GABBR1: variants seen among roughly 807,000 people sequenced by gnomAD.
GABBR1 encodes GABA-B receptor, R1 subunit.
In GABBR1, 35 loss-of-function variants were observed where a neutral mutation model predicts 117.7. The ratio of observed to expected loss-of-function variants is 0.30; its 90% CI spans 0.23 to 0.39. The LOEUF (loss-of-function observed/expected upper bound fraction) is 0.39, where lower values mean the gene tolerates loss of function less well. Among genes scored for constraint, GABBR1 ranks in the 10% least tolerant of loss-of-function variants. The pLI, the probability that GABBR1 is intolerant of heterozygous loss-of-function variation, is 1.00. For synonymous variants in GABBR1, 442 were observed against 486.6 expected (o/e 0.91, Z 1.21); for missense variants, 709 against 1,241.8 (o/e 0.57, Z 6.45).
intron 11 of GABBR1, among the ~76,000 whole-genome samples, chr6:29,619,258 C>T (rs139122013): frequency 2.6e-4 from 39 of 152,354 alleles, no homozygotes; most frequent in African/African-American, 8.7e-4. Context: ...AGGTCCAACC[C>T]TTGCTTTGAT....
Position 29,603,329 on chromosome 6 carries a change from A to G in GABBR1, c.*214T>C, listed in dbSNP as rs1349498183. ...AATTGTGAAGAGGTGATACAAAATTACATGAAGCAGTAAGAGAGAAAAAGG... is the reference window on the plus strand; with the variant it reads ...AATTGTGAAGAGGTGATACAAAATTGCATGAAGCAGTAAGAGAGAAAAAGG... On this transcript the variant is annotated 3_prime_UTR_variant, in exon 23 of 23. Coordinates refer to ENST00000377034, the MANE Select transcript of GABBR1 (RefSeq NM_001470.4). 2 of 702,680 alleles carry G rather than the reference A, an allele frequency of 2.8e-6. No individual in the cohort carries two copies. The highest frequency in any genetic ancestry group is 5.2e-6 in the Non-Finnish European group (2 of 383,658). The allele number at this position is 702,680 out of a possible 1,614,324, so 43.5% of individuals were successfully genotyped here. A position where few individuals can be genotyped will look rare whatever the true frequency, so the allele number is the denominator to read the frequency against.
Position 29,604,809 on chromosome 6 carries a change from G to A in GABBR1, c.2568+51C>T. ...GGAACTCAGTAATATAGGAAGGAGGGATGGAGGGAACATGGGAACAAAGAG... is the reference window on the plus strand; with the variant it reads ...GGAACTCAGTAATATAGGAAGGAGGAATGGAGGGAACATGGGAACAAAGAG... On this transcript the variant is annotated intron_variant, in intron 21 of 22. Coordinates refer to ENST00000377034, the MANE Select transcript of GABBR1 (RefSeq NM_001470.4). The surrounding 1 kb of genome is among the most constrained non-coding windows in gnomAD (Gnocchi z 5.3). 6.3e-7 allele frequency: 1 copy of A among 1,597,550 alleles called. No homozygotes were observed. Among genetic ancestry groups the A allele is most frequent in the Non-Finnish European group, 8.5e-7 (1 of 1,171,812 alleles).
Position 29,627,211 on chromosome 6 carries a change from C to T in GABBR1, c.657+275G>A, listed in dbSNP as rs1764360005. Among the ~76,000 whole-genome samples, 1 of 152,190 alleles carries T rather than the reference C, an allele frequency of 6.6e-6. No homozygotes were observed. Among genetic ancestry groups the T allele is most frequent in the Non-Finnish European group, 1.5e-5 (1 of 68,034 alleles). On this transcript the variant is annotated intron_variant, in intron 6 of 22. Coordinates refer to ENST00000377034, the MANE Select transcript of GABBR1 (RefSeq NM_001470.4). This position sits in a 1 kb window ranked among gnomAD's most constrained non-coding sequence, Gnocchi z 4.4. ...TAAATCCACCACCAGTTTCTCCAAA[C>T]CCCGACACTTCTGCGAGACTCCCGC...
rs1321954326 is a variant in GABBR1 at position 29,609,198 on chromosome 6, A to G, written c.1859+31T>C. The stretch of plus-strand genomic sequence containing the variant: ...AACATGATCAGTATCTCAGAGAGGC[A>G]GACAAGGAAAACGTCAGAAGAGAAA... On this transcript the variant is annotated intron_variant, in intron 15 of 22. Transcript: ENST00000377034. This position sits in a 1 kb window ranked among gnomAD's most constrained non-coding sequence, Gnocchi z 4.3. 3.1e-6 allele frequency: 5 copies of G among 1,607,206 alleles called. No individual in the cohort carries two copies. The African/African-American group carries it at 6.7e-5, about 21-fold the overall frequency.
chr6:29,627,461 CACCCA>C lies in GABBR1; in HGVS notation c.657+20_657+24del. The C allele has an allele frequency of 6.7e-7, 1 of 1,498,204 alleles. No homozygotes were observed. 92.8% of individuals were successfully genotyped at this position (1,498,204 alleles called of 1,614,324 possible). ...CCCTGCCCCGCAAGCCCCCACCTCC[CACCCA>C]CCCCCATGTCCAGGGCTACCTTGCT... is the stretch of plus-strand genomic sequence containing the variant. On this transcript the variant is annotated intron_variant, in intron 6 of 22. Transcript: ENST00000377034. The surrounding 1 kb of genome is among the most constrained non-coding windows in gnomAD (Gnocchi z 4.4).
In GABBR1 at chr6:29,630,671, G is replaced by A. The variant is rs761562802; in HGVS notation, c.290-28C>T. ...GTGGAGAGATAGGAAAATAAGAAGA[G>A]AGGCGAGTTGAAGAAGGCTCTTTCC... On this transcript the variant is annotated intron_variant, in intron 3 of 22. Coordinates refer to ENST00000377034, the MANE Select transcript of GABBR1 (RefSeq NM_001470.4). The surrounding 1 kb of genome is among the most constrained non-coding windows in gnomAD (Gnocchi z 4.9). 6.3e-7 allele frequency: 1 copy of A among 1,584,866 alleles called. No homozygotes were observed. The highest frequency in any genetic ancestry group is 8.6e-7 in the Non-Finnish European group (1 of 1,157,234).
chr6:29,609,145 C>G lies in GABBR1; in HGVS notation c.1859+84G>C, dbSNP rs906656372. The G allele has an allele frequency of 3.8e-5, 51 of 1,352,494 alleles. No individual in the cohort carries two copies. In the African/African-American group the frequency reaches 6.4e-4, roughly 17 times the overall value. 83.8% of individuals were successfully genotyped at this position (1,352,494 alleles called of 1,614,324 possible). A position where few individuals can be genotyped will look rare whatever the true frequency, so the allele number is the denominator to read the frequency against. On this transcript the variant is annotated intron_variant, in intron 15 of 22. Coordinates refer to ENST00000377034, the MANE Select transcript of GABBR1 (RefSeq NM_001470.4). This position sits in a 1 kb window ranked among gnomAD's most constrained non-coding sequence, Gnocchi z 4.3. The stretch of plus-strand genomic sequence containing the variant: ...CCATGATACATGGCCATGGGAGTTA[C>G]ACAGGTTTTATTCTCATCCTGTCCA...
In GABBR1 at chr6:29,622,095, C is replaced by A. The variant is rs771321254; in HGVS notation, c.1065+9G>T. The A allele has an allele frequency of 2.5e-6, 4 of 1,610,164 alleles. No individual in the cohort carries two copies. In the South Asian group the frequency reaches 3.3e-5, roughly 13 times the overall value. ...CGTAAACAGAGCCCACCACTCCCAGCCATCTGACCTTCAGGTTTTTGACGG... is the reference window on the plus strand; with the variant it reads ...CGTAAACAGAGCCCACCACTCCCAGACATCTGACCTTCAGGTTTTTGACGG... On this transcript the variant is annotated intron_variant, in intron 9 of 22. Transcript: ENST00000377034. The surrounding 1 kb of genome is among the most constrained non-coding windows in gnomAD (Gnocchi z 4.6).
In GABBR1 at chr6:29,630,407, T is replaced by C. The variant is rs1764835204; in HGVS notation, c.475+51A>G. The stretch of plus-strand genomic sequence containing the variant: ...ATTATCCATTCCCACCCCACTCCCA[T>C]CCTCACACAAGCGTCCTCATCAGCT... On this transcript the variant is annotated intron_variant, in intron 4 of 22. Coordinates refer to ENST00000377034, the MANE Select transcript of GABBR1 (RefSeq NM_001470.4). The surrounding 1 kb of genome is among the most constrained non-coding windows in gnomAD (Gnocchi z 4.9). 1 of 1,507,470 alleles carries C rather than the reference T, an allele frequency of 6.6e-7. No homozygotes were observed. The highest frequency in any genetic ancestry group is 9.2e-7 in the Non-Finnish European group (1 of 1,088,616). The allele number at this position is 1,507,470 out of a possible 1,614,324, so 93.4% of individuals were successfully genotyped here.
intron 4 of GABBR1, chr6:29,629,308 AT>A: frequency 1.4e-6 from 1 of 699,976 alleles, no homozygotes. Context: ...TTCTTCTTCG[AT>A]TTTTCATAGG....
At position 29,627,417 on chromosome 6, in the gene GABBR1, C is replaced by A; in HGVS notation, c.657+69G>T. ...CAGAGACGACTCAGACAGATGGGGG[C>A]GCGTGCAGCTGGCTGGCCCCCTGCC... On this transcript the variant is annotated intron_variant, in intron 6 of 22. Coordinates refer to ENST00000377034, the MANE Select transcript of GABBR1 (RefSeq NM_001470.4). The surrounding 1 kb of genome is among the most constrained non-coding windows in gnomAD (Gnocchi z 4.4). The A allele has an allele frequency of 6.9e-7, 1 of 1,451,246 alleles. No individual in the cohort carries two copies. Among genetic ancestry groups the A allele is most frequent in the Non-Finnish European group, 9.4e-7 (1 of 1,066,802 alleles). 89.9% of individuals were successfully genotyped at this position (1,451,246 alleles called of 1,614,324 possible). A position where few individuals can be genotyped will look rare whatever the true frequency, so the allele number is the denominator to read the frequency against.
At chr6:29,608,552 C>T (rs372019251) in intron 16 of GABBR1, 49 bp downstream of exon 16, 36 of 1,587,018 alleles carry the variant, frequency 2.3e-5, no homozygotes, top group Admixed American at 1.6e-4. Context: ...GCTCCTGAGA[C>T]GGGTGGGAGA....
chr6:29,621,933 T>A lies in GABBR1; in HGVS notation c.1066-116A>T, dbSNP rs1763796585. On this transcript the variant is annotated intron_variant, in intron 9 of 22. Transcript: ENST00000377034. The surrounding 1 kb of genome is among the most constrained non-coding windows in gnomAD (Gnocchi z 5.0). ...CAAAGTGCTTAGTGCAGGGTAACGC[T>A]CAACGTATAGTGAATAAACGTCAAC... The A allele has an allele frequency of 8.9e-7, 1 of 1,125,956 alleles. No homozygotes were observed. Among genetic ancestry groups the A allele is most frequent in the African/African-American group, 1.5e-5 (1 of 64,700 alleles). 69.7% of individuals were successfully genotyped at this position (1,125,956 alleles called of 1,614,324 possible).
chr6:29,627,476 C>T lies in GABBR1; in HGVS notation c.657+10G>A, dbSNP rs1436624135. The T allele has an allele frequency of 4.8e-6, 3 of 619,720 alleles. No homozygotes were observed. The highest frequency in any genetic ancestry group is 8.5e-6 in the Non-Finnish European group (3 of 350,980). The allele number at this position is 619,720 out of a possible 1,614,324, so 38.4% of individuals were successfully genotyped here. A position where few individuals can be genotyped will look rare whatever the true frequency, so the allele number is the denominator to read the frequency against. On this transcript the variant is annotated intron_variant, in intron 6 of 22. Transcript: ENST00000377034. The surrounding 1 kb of genome is among the most constrained non-coding windows in gnomAD (Gnocchi z 4.4). Reference sequence around the variant, plus strand: ...CCCCACCTCCCACCCACCCCCATGTCCAGGGCTACCTTGCTGTCGTGGTGG... The same window carrying T: ...CCCCACCTCCCACCCACCCCCATGTTCAGGGCTACCTTGCTGTCGTGGTGG...
rs143695827 is a variant in GABBR1, at chr6:29,629,686, G to T, written c.476-579C>A. Among the ~76,000 whole-genome samples the T allele has an allele frequency of 9.1e-4, 139 of 152,108 alleles. 1 individual carries two copies. The highest frequency in any genetic ancestry group is 3.2e-3 in the African/African-American group (134 of 41,460). ...TTATGTGAGGAAAGTAAAGCCCAAG[G>T]ATCTTGAAAGAATCTACCAGGGTAG... On this transcript the variant is annotated intron_variant, in intron 4 of 22. Transcript: ENST00000377034.
At chr6:29,603,969 A>G (rs1327303796) in intron 22 of GABBR1, among the ~76,000 whole-genome samples, 1 of 152,154 alleles carries the variant, frequency 6.6e-6, no homozygotes, top group Admixed American at 6.5e-5. Context: ...ACAAAAGGAA[A>G]AAGTGGGGAA....
In GABBR1 at chr6:29,621,355, A is replaced by T; in HGVS notation, c.1132-63T>A. The T allele has an allele frequency of 7.6e-7, 1 of 1,313,886 alleles. No homozygotes were observed. Among genetic ancestry groups the T allele is most frequent in the Non-Finnish European group, 1.1e-6 (1 of 928,878 alleles). 81.4% of individuals were successfully genotyped at this position (1,313,886 alleles called of 1,614,324 possible). A position where few individuals can be genotyped will look rare whatever the true frequency, so the allele number is the denominator to read the frequency against. ...CATTTGTTTGTTTTTGTCTTATCTC[A>T]CTTGATACTATTTAGCCTCTTGGGA... On this transcript the variant is annotated intron_variant, in intron 10 of 22. Coordinates refer to ENST00000377034, the MANE Select transcript of GABBR1 (RefSeq NM_001470.4). This position sits in a 1 kb window ranked among gnomAD's most constrained non-coding sequence, Gnocchi z 5.0.
In GABBR1 at chr6:29,627,752, G is replaced by A; in HGVS notation, c.497-106C>T. ...GCCGCCATCACAACCAGAAGCGGCA[G>A]TGGCCACCCCACCCGGGCAAAAGGG... On this transcript the variant is annotated intron_variant, in intron 5 of 22. Coordinates refer to ENST00000377034, the MANE Select transcript of GABBR1 (RefSeq NM_001470.4). The surrounding 1 kb of genome is among the most constrained non-coding windows in gnomAD (Gnocchi z 4.4). 1 of 1,495,134 alleles carries A rather than the reference G, an allele frequency of 6.7e-7. No individual in the cohort carries two copies. Among genetic ancestry groups the A allele is most frequent in the Non-Finnish European group, 8.9e-7 (1 of 1,126,848 alleles). The allele number at this position is 1,495,134 out of a possible 1,614,324, so 92.6% of individuals were successfully genotyped here.
Position 29,621,209 on chromosome 6 carries a change from G to A in GABBR1, c.1215C>T (p.Asp405=), listed in dbSNP as rs766951766. The A allele has an allele frequency of 2.5e-6, 4 of 1,613,004 alleles. No individual in the cohort carries two copies. The East Asian group carries it at 6.7e-5, about 27-fold the overall frequency. ...CATCCACTGTGCAGTTGATAGAAGGGTCGTAGATCTTGAACCAATTGTCAG... is the reference window on the plus strand; with the variant it reads ...CATCCACTGTGCAGTTGATAGAAGGATCGTAGATCTTGAACCAATTGTCAG... ...WYADNWFKIY[D]PSINCTVDEM... is the part of the protein sequence containing the mutation. Residue 405 remains aspartate, a synonymous_variant, in exon 11 of 23, where the codon GAC becomes GAT. Transcript: ENST00000377034. This position sits in a 1 kb window ranked among gnomAD's most constrained non-coding sequence, Gnocchi z 5.0.
Sources: gnomAD v4.1 joint callset for allele counts (sites outside exome capture counted in the v4.1 genomes callset) on GRCh38, gnomAD v4.1.1 for gene constraint, Gnocchi (gnomAD v3.1) non-coding constraint, MANE v1.5 for transcripts, NCBI Gene and HGNC (gene_info 2026-07-23, HGNC 2026-07-21) for gene names.